The following MAX variants were observed in gnomAD, a reference collection of about 807,000 sequenced individuals.
MAX encodes MYC associated transcriptional regulator X.
A neutral mutation model predicts 22.3 loss-of-function variants in MAX; 3 were observed. The observed-to-expected ratio is 0.13, with a 90% CI of 0.06 to 0.35. The LOEUF (loss-of-function observed/expected upper bound fraction) is 0.35, where lower values mean the gene tolerates loss of function less well. MAX is among the 10% of genes least tolerant of loss of function. The pLI is 1.00. For missense variants in MAX, 119 were observed against 209.4 expected, an observed-to-expected ratio of 0.57 and a Z score of 2.66; for synonymous variants, 72 against 77.7, an observed-to-expected ratio of 0.93 and a Z score of 0.39.
In MAX at chr14:65,075,246, C is replaced by G. The variant is rs1047162863; in HGVS notation, c.*1230G>C. 9.5e-7 allele frequency: 1 copy of G among 1,057,778 alleles called. No homozygotes were observed. The highest frequency in any genetic ancestry group is 1.7e-5 in the African/African-American group (1 of 60,546). The allele number at this position is 1,057,778 out of a possible 1,614,324, so 65.5% of individuals were successfully genotyped here. On this transcript the variant is annotated 3_prime_UTR_variant, in exon 5 of 5. Coordinates refer to ENST00000358664, the MANE Select transcript of MAX (RefSeq NM_002382.5). The surrounding 1 kb of genome is among the most constrained non-coding windows in gnomAD (Gnocchi z 4.1). ...TATTTCCATGGAATGGAATCAAACA[C>G]GAACTGAGACTACAGAGTATACACT...
intron 3 of MAX, among the ~76,000 whole-genome samples, chr14:65,058,567 T>C (rs1164380349): frequency 6.6e-6 from 1 of 152,230 alleles, no homozygotes; most frequent in Non-Finnish European, 1.5e-5. Flanking sequence ...TATAACCTGA[T>C]CATTAAGCAT....
At chr14:65,024,875 TC>T (rs1340428453) in intron 3 of MAX, among the ~76,000 whole-genome samples, 18 of 152,308 alleles carry the variant, frequency 1.2e-4, no homozygotes, top group African/African-American at 4.1e-4. Flanking sequence ...TGCCTTGGCC[TC>T]CCAAAGTACT....
intron 3 of MAX, among the ~76,000 whole-genome samples, chr14:65,022,291 T>G (rs1168370685): frequency 6.6e-6 from 1 of 151,908 alleles, no homozygotes; most frequent in Non-Finnish European, 1.5e-5. Flanking sequence ...TCTGTTTTTT[T>G]TTTTTTAAAC....
chr14:65,041,341 T>G (rs2062348228), intron 3 of MAX, among the ~76,000 whole-genome samples: 1 of 152,208 alleles, frequency 6.6e-6, no homozygotes, highest in African/African-American at 2.4e-5. Flanking sequence ...AATGAGTTGT[T>G]TAGGCAGAGC....
chr14:65,014,413 T>TA lies in MAX; in HGVS notation c.172-8130dup, dbSNP rs1387865942. Reference sequence around the variant, plus strand: ...GTCCATTACAGCATTTCTCCAGGTATATGTACACGTGTTGGTTCCAGAAAG... The same window carrying TA: ...GTCCATTACAGCATTTCTCCAGGTATAATGTACACGTGTTGGTTCCAGAAAG... On this transcript the variant is annotated intron_variant, in intron 3 of 3. Coordinates refer to the MAX transcript ENST00000341653. The surrounding 1 kb of genome is among the most constrained non-coding windows in gnomAD (Gnocchi z 5.1). 6.6e-6 allele frequency among the ~76,000 whole-genome samples: 1 copy of TA among 152,172 alleles called. No individual in the cohort carries two copies. The highest frequency in any genetic ancestry group is 2.4e-5 in the African/African-American group (1 of 41,438).
rs1316805795 is a variant in MAX, at chr14:65,044,186, C to T, written c.172-37902G>A. On this transcript the variant is annotated intron_variant, in intron 3 of 3. Coordinates refer to the MAX transcript ENST00000341653. This position sits in a 1 kb window ranked among gnomAD's most constrained non-coding sequence, Gnocchi z 5.5. ...AGGAAAGAAAACCAGAGCACCAAAA[C>T]TAGAGTGCCAAGAAGCCACAAGATG... 1 of 1,531,356 alleles carries T rather than the reference C, an allele frequency of 6.5e-7. No individual in the cohort carries two copies. Among genetic ancestry groups the T allele is most frequent in the African/African-American group, 1.4e-5 (1 of 71,636 alleles). 94.9% of individuals were successfully genotyped at this position (1,531,356 alleles called of 1,614,324 possible). A position where few individuals can be genotyped will look rare whatever the true frequency, so the allele number is the denominator to read the frequency against.
At chr14:65,092,706 T>TA (rs1453554814) in intron 3 of MAX, among the ~76,000 whole-genome samples, 1 of 152,142 alleles carries the variant, frequency 6.6e-6, no homozygotes. Flanking sequence ...ACACCTTAGA[T>TA]AAAGTATAGA....
At chr14:65,057,920 A>G (rs1040185119) in intron 3 of MAX, among the ~76,000 whole-genome samples, 1 of 152,122 alleles carries the variant, frequency 6.6e-6, no homozygotes, top group African/African-American at 2.4e-5. Context: ...CTGTTTGCCT[A>G]TCTGCACTCT....
chr14:65,055,523 ATT>A (rs1014896452), intron 3 of MAX, among the ~76,000 whole-genome samples: 1 of 150,646 alleles, frequency 6.6e-6, no homozygotes, highest in Admixed American at 6.6e-5. Flanking sequence ...TTAATTTTTA[ATT>A]TTTTTTTGTG....
downstream of MAX, chr14:65,006,126 T>C: frequency 1.9e-6 from 3 of 1,599,924 alleles, no homozygotes; most frequent in Non-Finnish European, 2.6e-6. Flanking sequence ...ACATTATAAA[T>C]AGGTCCAGCT....
Position 65,093,722 on chromosome 14 carries a change from G to T in MAX, c.157C>A (p.Leu53Ile). The T allele has an allele frequency of 6.3e-7, 1 of 1,597,858 alleles. No individual in the cohort carries two copies. The highest frequency in any genetic ancestry group is 8.6e-7 in the Non-Finnish European group (1 of 1,165,016). Residue 53 changes from leucine to isoleucine, a missense_variant, in exon 3 of 5, where the codon CTC (leucine) becomes ATC (isoleucine). Leu to Ile is a conservative substitution (Grantham distance 5, BLOSUM62 2). Coordinates refer to ENST00000358664, the MANE Select transcript of MAX (RefSeq NM_002382.5). The surrounding 1 kb of genome is among the most constrained non-coding windows in gnomAD (Gnocchi z 4.4). ...FHSLRDSVPSLQGEKASRAQI... is the reference protein window; with the variant it reads ...FHSLRDSVPSIQGEKASRAQI... ...AGGAAACTCACCTTCTCTCCTTGGA[G>T]TGATGGGACTGAGTCCCGCAAACTG...
intron 3 of MAX, among the ~76,000 whole-genome samples, chr14:65,041,107 C>T (rs752507376): frequency 1.3e-5 from 2 of 152,140 alleles, no homozygotes; most frequent in Non-Finnish European, 2.9e-5. Context: ...TGTCTTCCTG[C>T]TTAGAGCTTT....
intron 2 of MAX, chr14:65,094,112 TG>T (rs1315905196): frequency 1.7e-5 from 7 of 400,734 alleles, no homozygotes; most frequent in African/African-American, 1.2e-4. Context: ...GTAACATCAG[TG>T]GTCCCCCCCA....
At position 65,009,437 on chromosome 14, in the gene MAX, A is replaced by G. The variant is rs2061651223; in HGVS notation, c.172-3153T>C. ...GTGGCCACTCCACAGCTCTCCCACCATCTTGACTCCTAGTTCCTGAGAAAA... is the reference window on the plus strand; with the variant it reads ...GTGGCCACTCCACAGCTCTCCCACCGTCTTGACTCCTAGTTCCTGAGAAAA... On this transcript the variant is annotated intron_variant, in intron 3 of 3. Transcript: ENST00000341653. This position sits in a 1 kb window ranked among gnomAD's most constrained non-coding sequence, Gnocchi z 4.2. Among the ~76,000 whole-genome samples, 1 of 152,036 alleles carries G rather than the reference A, an allele frequency of 6.6e-6. No homozygotes were observed. The highest frequency in any genetic ancestry group is 2.4e-5 in the African/African-American group (1 of 41,368).
chr14:65,051,791 A>G (rs1429063135), intron 3 of MAX, among the ~76,000 whole-genome samples: 1 of 149,638 alleles, frequency 6.7e-6, no homozygotes, highest in Admixed American at 6.8e-5. Context: ...AATTTTCACC[A>G]TAGGAATTTT....
intron 3 of MAX, chr14:65,021,906 A>G (rs1248291818): frequency 2.2e-6 from 1 of 455,784 alleles, no homozygotes; most frequent in Non-Finnish European, 4.4e-6. Context: ...TCGGCCTCCC[A>G]AAGTGCTAGG....
rs1283531572 is a variant in MAX, at chr14:65,015,530, G to T, written c.172-9246C>A. 4 of 1,309,222 alleles carry T rather than the reference G, an allele frequency of 3.1e-6. No homozygotes were observed. In the Admixed American group the frequency reaches 5.8e-5, roughly 19 times the overall value. 81.1% of individuals were successfully genotyped at this position (1,309,222 alleles called of 1,614,324 possible). On this transcript the variant is annotated intron_variant, in intron 3 of 3. Coordinates refer to the MAX transcript ENST00000341653. ...GAGCAAGGGTGCCCTCCTCCCCCTT[G>T]CCAGGCTGCTGGGAGTGAGACAGAT...
At chr14:65,010,745 TTTTG>T (rs1321549963) in intron 3 of MAX, among the ~76,000 whole-genome samples, 9 of 152,148 alleles carry the variant, frequency 5.9e-5, no homozygotes, top group East Asian at 1.9e-4. Flanking sequence ...ATCCTTGTTT[TTTTG>T]TTTGTTTGTT....
chr14:65,056,192 A>C (rs970626086), intron 3 of MAX, among the ~76,000 whole-genome samples: 5 of 151,816 alleles, frequency 3.3e-5, no homozygotes, highest in Admixed American at 6.6e-5. Context: ...TGCTTTTTCC[A>C]CTTGCCATTG....
Sources: allele counts gnomAD v4.1 joint callset (sites outside exome capture counted in the v4.1 genomes callset), GRCh38; gene constraint gnomAD v4.1.1; non-coding constraint Gnocchi (gnomAD v3.1); transcripts MANE v1.5; gene names NCBI Gene and HGNC (gene_info 2026-07-23, HGNC 2026-07-21).